PCGF5: variants seen among roughly 807,000 people sequenced by gnomAD.
PCGF5 encodes polycomb group ring finger 5.
In PCGF5, 9 loss-of-function variants were observed where a neutral mutation model predicts 44.3. The ratio of observed to expected loss-of-function variants is 0.20; its 90% CI spans 0.12 to 0.35. PCGF5 has a LOEUF of 0.35. Ranked by LOEUF, PCGF5 falls within the 10% of genes least tolerant of loss-of-function variation. The pLI is 1.00. For missense variants in PCGF5, 146 were observed against 305.3 expected (o/e 0.48, Z 3.89); for synonymous variants, 95 against 102.5 (o/e 0.93, Z 0.44).
intron 2 of PCGF5, among the ~76,000 whole-genome samples, chr10:91,237,698 C>T (rs1162739080): frequency 1.3e-5 from 2 of 151,676 alleles, no homozygotes; most frequent in Admixed American, 6.6e-5. Flanking sequence ...GAGCCGAGAT[C>T]GCGCCACTGC....
intron 6 of PCGF5, among the ~76,000 whole-genome samples, chr10:91,256,124 T>C (rs907530044): frequency 2.0e-5 from 3 of 152,064 alleles, no homozygotes; most frequent in African/African-American, 7.2e-5. Flanking sequence ...AAACTGTCGC[T>C]GAGGAAGCCC....
rs185143387 is a variant in PCGF5 at position 91,163,662 on chromosome 10, G to T, written c.-184+581G>T. Among the ~76,000 whole-genome samples the T allele has an allele frequency of 7.7e-3, 1,165 of 152,204 alleles. 20 individuals carry two copies. Among genetic ancestry groups the T allele is most frequent in the African/African-American group, 0.027 (1,117 of 41,560 alleles). On this transcript the variant is annotated intron_variant, in intron 1 of 9. Coordinates refer to the PCGF5 transcript ENST00000614189. Reference sequence around the variant, plus strand: ...GCGCGCGTCGCTTCCGTTTTGATTAGCTCAGGTTATTATATAAGATGTCAC... The same window carrying T: ...GCGCGCGTCGCTTCCGTTTTGATTATCTCAGGTTATTATATAAGATGTCAC...
chr10:91,182,873 A>T (rs1181080662), intron 1 of PCGF5, among the ~76,000 whole-genome samples: 1 of 152,118 alleles, frequency 6.6e-6, no homozygotes, highest in African/African-American at 2.4e-5. Context: ...TTCATTATTT[A>T]CTCCAAAGTA....
chr10:91,268,991 G>T (rs1846111209), intron 8 of PCGF5, among the ~76,000 whole-genome samples: 1 of 151,852 alleles, frequency 6.6e-6, no homozygotes, highest in Admixed American at 6.6e-5. Context: ...CTTATTAGTG[G>T]GAGGAAAAAG....
chr10:91,236,002 C>T (rs1845151914), intron 2 of PCGF5, among the ~76,000 whole-genome samples: 1 of 152,168 alleles, frequency 6.6e-6, no homozygotes, highest in African/African-American at 2.4e-5. Context: ...CACTTGAGCC[C>T]AGGAGTTTGA....
chr10:91,265,558 G>A (rs867277510), intron 8 of PCGF5, among the ~76,000 whole-genome samples: 1 of 151,942 alleles, frequency 6.6e-6, no homozygotes, highest in Middle Eastern at 3.4e-3. Context: ...TAAGAAATTT[G>A]ACCTCACACA....
At chr10:91,242,697 A>C (rs1261707670) in intron 3 of PCGF5, among the ~76,000 whole-genome samples, 2 of 152,050 alleles carry the variant, frequency 1.3e-5, no homozygotes, top group African/African-American at 4.8e-5. Context: ...CTTCTTAGTA[A>C]CGTTTTATCT....
In PCGF5 at chr10:91,190,936, C is replaced by T. The variant is rs189351910; in HGVS notation, c.-184+27855C>T. On this transcript the variant is annotated intron_variant, in intron 1 of 9. Transcript: ENST00000614189. Reference sequence around the variant, plus strand: ...TTTATTCTTCCCTTAAAATATGCTTCACTTCATTTTTGCCTTTCTGCTGGC... The same window carrying T: ...TTTATTCTTCCCTTAAAATATGCTTTACTTCATTTTTGCCTTTCTGCTGGC... Among the ~76,000 whole-genome samples the T allele has an allele frequency of 6.6e-5, 10 of 152,282 alleles. 1 individual carries two copies. The highest frequency in any genetic ancestry group is 2.4e-4 in the African/African-American group (10 of 41,562).
chr10:91,227,694 G>T, intron 2 of PCGF5: 1 of 1,047,396 alleles, frequency 9.5e-7, no homozygotes, highest in African/African-American at 1.7e-5. Context: ...TTTCCTAAAG[G>T]TATCCCGTTG....
chr10:91,252,716 A>T (rs1273538614), intron 6 of PCGF5, among the ~76,000 whole-genome samples: 3 of 152,186 alleles, frequency 2.0e-5, no homozygotes, highest in Non-Finnish European at 4.4e-5. Context: ...GTTCATGGTC[A>T]TCCTTTAGCT....
rs1213535596 is a variant in PCGF5, at chr10:91,238,581, A to ATTTCTTTCTTTCTTTCTTTCTTTCTTTC, written c.113-1880_113-1879insCTTTCTTTCTTTCTTTCTTTCTTTCTTT. Among the ~76,000 whole-genome samples, 368 of 73,174 alleles carry ATTTCTTTCTTTCTTTCTTTCTTTCTTTC rather than the reference A, an allele frequency of 5.0e-3. 11 individuals are homozygous for ATTTCTTTCTTTCTTTCTTTCTTTCTTTC. The highest frequency in any genetic ancestry group is 9.4e-3 in the Middle Eastern group (1 of 106). 48.0% of individuals were successfully genotyped at this position (73,174 alleles called of 152,430 possible). The stretch of plus-strand genomic sequence containing the variant: ...AGGCTTTTAAAATCCCTCCACTCTC[A>ATTTCTTTCTTTCTTTCTTTCTTTCTTTC]TTTCTTTCTTTCTTTCTTTCTTTTT... On this transcript the variant is annotated intron_variant, in intron 2 of 9. Transcript: ENST00000336126.
At chr10:91,217,706 T>C (rs1234007480), upstream of PCGF5, among the ~76,000 whole-genome samples, 12 of 152,186 alleles carry the variant, frequency 7.9e-5, no homozygotes, top group Non-Finnish European at 1.5e-5. Context: ...CTAAGTGCCA[T>C]CTAGACAGTT....
chr10:91,208,293 T>A (rs1360583502), intron 1 of PCGF5, among the ~76,000 whole-genome samples: 1 of 152,222 alleles, frequency 6.6e-6, no homozygotes, highest in African/African-American at 2.4e-5. Context: ...GTGTGTATGA[T>A]CCATTCCTCT....
intron 7 of PCGF5, among the ~76,000 whole-genome samples, chr10:91,262,284 G>A (rs886386029): frequency 6.6e-6 from 1 of 152,014 alleles, no homozygotes; most frequent in Non-Finnish European, 1.5e-5. Context: ...AAATTAGCCG[G>A]GTGTGGTGGC....
intron 1 of PCGF5, among the ~76,000 whole-genome samples, chr10:91,184,426 C>G (rs537000319): frequency 6.6e-6 from 1 of 152,162 alleles, no homozygotes; most frequent in East Asian, 1.9e-4. Flanking sequence ...ACAGTACTCT[C>G]TACTGGCTGT....
rs147441863 is a variant in PCGF5 at position 91,207,074 on chromosome 10, G to A, written c.-183-15615G>A. 4.7e-4 allele frequency among the ~76,000 whole-genome samples: 72 copies of A among 152,202 alleles called. No homozygotes were observed. In the East Asian group the frequency reaches 0.012, roughly 25 times the overall value. On this transcript the variant is annotated intron_variant, in intron 1 of 9. Transcript: ENST00000614189. ...TTTCCTGTGCTGAGAACATAGCCTCGCCCACTGTAGAAGGAATTAGGAGGT... is the reference window on the plus strand; with the variant it reads ...TTTCCTGTGCTGAGAACATAGCCTCACCCACTGTAGAAGGAATTAGGAGGT...
intron 9 of PCGF5, among the ~76,000 whole-genome samples, chr10:91,276,686 G>A (rs988072524): frequency 1.3e-5 from 2 of 152,142 alleles, no homozygotes; most frequent in Non-Finnish European, 2.9e-5. Context: ...ACTTCCCTCT[G>A]TACCTTTATC....
chr10:91,162,720 G>T (rs994368105), upstream of PCGF5, among the ~76,000 whole-genome samples: 8 of 151,508 alleles, frequency 5.3e-5, no homozygotes, highest in Admixed American at 1.3e-4. Context: ...CGCGGCGGCG[G>T]CTCGAGGAGG....
chr10:91,248,636 T>C (rs775084751), intron 4 of PCGF5, 29 bp from the exon 5 acceptor site: 3 of 1,600,432 alleles, frequency 1.9e-6, no homozygotes, highest in Non-Finnish European at 2.6e-6. Context: ...TTCATGACTT[T>C]TACTTTTATA....
Sources: allele counts gnomAD v4.1 joint callset (sites outside exome capture counted in the v4.1 genomes callset), GRCh38; gene constraint gnomAD v4.1.1; transcripts MANE v1.5; gene names NCBI Gene and HGNC (gene_info 2026-07-23, HGNC 2026-07-21).